Variants in PID1 observed in about 807,000 individuals in gnomAD.
The protein encoded by PID1 is phosphotyrosine interaction domain containing 1.
PID1 carries 10 observed loss-of-function variants against 19.1 expected under a neutral mutation model. The observed-to-expected ratio is 0.52, with a 90% confidence interval of 0.32 to 0.89. The LOEUF is 0.89. PID1 is among the 40% of genes least tolerant of loss of function. The probability of loss-of-function intolerance (pLI) is 0.03; values close to 1 mark genes in which losing one functional copy is unlikely to be tolerated. For missense variants in PID1, 248 were observed against 285.3 expected, an observed-to-expected ratio of 0.87 and a Z score of 0.94; for synonymous variants, 130 against 116.0, an observed-to-expected ratio of 1.12 and a Z score of -0.78.
chr2:229,070,775 G>A (rs1338324511), intron 2 of PID1, among the ~76,000 whole-genome samples: 1 of 152,090 alleles, frequency 6.6e-6, no homozygotes, highest in Non-Finnish European at 1.5e-5. Context: ...TTAGAGGGTG[G>A]GATGAGGATG....
At chr2:229,216,460 G>T (rs191828367) in intron 1 of PID1, among the ~76,000 whole-genome samples, 1 of 152,126 alleles carries the variant, frequency 6.6e-6, no homozygotes, top group Non-Finnish European at 1.5e-5. Context: ...ACAGGAAGAA[G>T]AATATACTAC....
intron 2 of PID1, among the ~76,000 whole-genome samples, chr2:229,072,780 G>A (rs1380518932): frequency 6.6e-6 from 1 of 152,122 alleles, no homozygotes; most frequent in East Asian, 1.9e-4. Context: ...GGCTTTATGT[G>A]CCCCCATGAA....
At chr2:229,240,825 CT>C (rs1203126683) in intron 1 of PID1, among the ~76,000 whole-genome samples, 1 of 152,098 alleles carries the variant, frequency 6.6e-6, no homozygotes, top group Admixed American at 6.5e-5. Flanking sequence ...TTTCTTGTCT[CT>C]TTCTGGGACT....
chr2:229,059,233 T>C (rs1694163155), intron 2 of PID1, among the ~76,000 whole-genome samples: 1 of 152,190 alleles, frequency 6.6e-6, no homozygotes, highest in African/African-American at 2.4e-5. Context: ...AGTTGTACTA[T>C]ACATTTTTAA....
intron 2 of PID1, among the ~76,000 whole-genome samples, chr2:229,138,982 A>G (rs1027806712): frequency 7.0e-5 from 3 of 42,614 alleles, no homozygotes; most frequent in Non-Finnish European, 9.8e-5. Context: ...AAAAAATAGA[A>G]GAAAGAAAGA....
chr2:229,166,695 T>C (rs9973574), intron 1 of PID1, among the ~76,000 whole-genome samples: 44,653 of 151,980 alleles, frequency 0.29, 7,093 homozygotes, highest in Non-Finnish European at 0.37. Flanking sequence ...ATGAAATTAA[T>C]AGTCAATGTC....
intron 2 of PID1, among the ~76,000 whole-genome samples, chr2:229,099,890 A>T (rs1222480173): frequency 6.6e-6 from 1 of 152,144 alleles, no homozygotes; most frequent in Non-Finnish European, 1.5e-5. Flanking sequence ...TACACACTGA[A>T]TGTTTGTGTC....
intron 1 of PID1, among the ~76,000 whole-genome samples, chr2:229,268,490 T>C (rs1690652338): frequency 6.6e-6 from 1 of 152,214 alleles, no homozygotes; most frequent in Admixed American, 6.5e-5. Flanking sequence ...CTCTTTTGAT[T>C]CTAGGTATTG....
At chr2:229,124,571 A>G (rs981959213) in intron 2 of PID1, among the ~76,000 whole-genome samples, 6 of 152,162 alleles carry the variant, frequency 3.9e-5, no homozygotes, top group African/African-American at 1.2e-4. Context: ...CTCACACTTC[A>G]TATTTGCCTT....
intron 2 of PID1, among the ~76,000 whole-genome samples, chr2:229,060,283 C>A (rs1327470004): frequency 2.0e-5 from 3 of 152,122 alleles, no homozygotes; most frequent in Non-Finnish European, 4.4e-5. Context: ...CCCTATCTCC[C>A]TTCTCAAGCC....
chr2:229,180,137 C>A (rs1363918686), intron 1 of PID1, among the ~76,000 whole-genome samples: 1 of 152,120 alleles, frequency 6.6e-6, no homozygotes, highest in Non-Finnish European at 1.5e-5. Context: ...TGAGTCTTTG[C>A]AGAAAGTTCA....
At chr2:229,039,036 C>A (rs1435680986) in intron 2 of PID1, among the ~76,000 whole-genome samples, 1 of 152,168 alleles carries the variant, frequency 6.6e-6, no homozygotes, top group African/African-American at 2.4e-5. Context: ...AGGGTGCCCT[C>A]TACTTAAGTA....
chr2:229,203,831 G>A (rs1691549387), intron 1 of PID1, among the ~76,000 whole-genome samples: 1 of 151,982 alleles, frequency 6.6e-6, no homozygotes, highest in Non-Finnish European at 1.5e-5. Flanking sequence ...CCTTGTGCAT[G>A]GTAGATGTTC....
intron 2 of PID1, among the ~76,000 whole-genome samples, chr2:229,058,801 T>C (rs756643498): frequency 1.3e-5 from 2 of 148,982 alleles, no homozygotes; most frequent in Non-Finnish European, 3.0e-5. Context: ...GATTGTAACA[T>C]GTCCTTGAGG....
chr2:229,031,342 G>A (rs1693550958), intron 2 of PID1, among the ~76,000 whole-genome samples: 1 of 151,022 alleles, frequency 6.6e-6, no homozygotes, highest in African/African-American at 2.4e-5. Flanking sequence ...TGGATCACTT[G>A]AGGTCAGGAG....
At chr2:229,141,427 C>T (rs773121464) in intron 2 of PID1, among the ~76,000 whole-genome samples, 4 of 152,124 alleles carry the variant, frequency 2.6e-5, no homozygotes, top group Non-Finnish European at 5.9e-5. Flanking sequence ...TATCCACAAG[C>T]AAGGTGGACT....
chr2:229,196,069 T>C (rs978315538), intron 1 of PID1, among the ~76,000 whole-genome samples: 2 of 152,026 alleles, frequency 1.3e-5, no homozygotes, highest in African/African-American at 4.8e-5. Context: ...TACTAATATA[T>C]GTATACAACA....
At chr2:229,124,463 A>G (rs889238944) in intron 2 of PID1, among the ~76,000 whole-genome samples, 1 of 152,200 alleles carries the variant, frequency 6.6e-6, no homozygotes, top group Non-Finnish European at 1.5e-5. Flanking sequence ...TAATGTTGTA[A>G]ACAGTTATAA....
chr2:229,115,086 G>A (rs1695382932), intron 2 of PID1, among the ~76,000 whole-genome samples: 1 of 152,090 alleles, frequency 6.6e-6, no homozygotes. Context: ...ATCTTACCTT[G>A]CTCTTTTATG....
Sources: allele counts gnomAD v4.1 joint callset (sites outside exome capture counted in the v4.1 genomes callset), GRCh38; gene constraint gnomAD v4.1.1; transcripts MANE v1.5; gene names NCBI Gene and HGNC (gene_info 2026-07-23, HGNC 2026-07-21).